The following COL12A1 variants were observed in gnomAD, a reference collection of about 807,000 sequenced individuals.
COL12A1 encodes the protein collagen type XII alpha 1 chain.
Under a neutral mutation model 349.7 loss-of-function variants are expected in COL12A1, and 114 were observed. That is an observed-to-expected ratio of 0.33 (90% CI 0.28 to 0.38). The LOEUF (loss-of-function observed/expected upper bound fraction) is 0.38. Among genes scored for constraint, COL12A1 ranks in the 10% least tolerant of loss-of-function variants. The pLI is 1.00. For missense variants in COL12A1, 3,284 were observed against 3,756.9 expected (o/e 0.87, Z 3.29); for synonymous variants, 1,369 against 1,329.0 (o/e 1.03, Z -0.66).
chr6:75,155,112 T>C (rs753233551), intron 16 of COL12A1, among the ~76,000 whole-genome samples: 20 of 152,144 alleles, frequency 1.3e-4, no homozygotes, highest in Non-Finnish European at 2.8e-4. Flanking sequence ...GAATGTAGGG[T>C]GCTGTTCAAA....
At chr6:75,124,400 CT>C in intron 40 of COL12A1, 29 bp from the exon 41 acceptor site, 1 of 1,514,356 alleles carries the variant, frequency 6.6e-7, no homozygotes, top group Non-Finnish European at 9.0e-7. Flanking sequence ...AAGAGATTTA[CT>C]TTGTAAATTG....
chr6:75,111,256 T>A (rs896453552), intron 51 of COL12A1, among the ~76,000 whole-genome samples: 26 of 151,364 alleles, frequency 1.7e-4, no homozygotes, highest in African/African-American at 6.3e-4. Flanking sequence ...ATTATTAAAA[T>A]AAAAAACAAA....
intron 44 of COL12A1, 41 bp downstream of exon 44, chr6:75,121,261 A>G: frequency 6.7e-7 from 1 of 1,487,910 alleles, no homozygotes. Context: ...AGGAAAGGCA[A>G]GACATCACAA....
At position 75,090,296 on chromosome 6, in the gene COL12A1, G is replaced by T; in HGVS notation, c.8755C>A (p.Gln2919Lys). The T allele has an allele frequency of 6.2e-7, 1 of 1,601,484 alleles. No individual in the cohort carries two copies. The highest frequency in any genetic ancestry group is 1.1e-5 in the South Asian group (1 of 90,510). ...RQVCEQLISG[Q>K]MNRFNQMLNQ... ...AGCATCTGATTGAATCTGTTCATCT[G>T]ACCTACAAGCAGAAATAAGGCTTGT... Residue 2919 changes from glutamine to lysine, a missense_variant and splice_region_variant, in exon 63 of 66, where the codon CAG becomes AAG. By Grantham distance (53) the Gln-to-Lys change is moderately conservative. Transcript: ENST00000322507. This position sits in a 1 kb window ranked among gnomAD's most constrained non-coding sequence, Gnocchi z 4.1.
In COL12A1 at chr6:75,188,395, C is replaced by T; in HGVS notation, c.964G>A (p.Glu322Lys). ...IISQVCSGVDEQLGELVSGEE... is the reference protein window; with the variant it reads ...IISQVCSGVDKQLGELVSGEE... The stretch of plus-strand genomic sequence containing the variant: ...CCACTAACCAATTCACCAAGTTGTT[C>T]ATCAACACCTGAGCACACCTGGGAG... The change falls in exon 8 of 66, where the codon GAA becomes AAA. Residue 322 changes from glutamate to lysine, a missense_variant. Transcript: ENST00000322507. 6.2e-7 allele frequency: 1 copy of T among 1,613,280 alleles called. No homozygotes were observed. The highest frequency in any genetic ancestry group is 8.5e-7 in the Non-Finnish European group (1 of 1,179,582).
Position 75,152,111 on chromosome 6 carries a change from G to A in COL12A1, c.3835+20C>T. On this transcript the variant is annotated intron_variant, in intron 19 of 65. Coordinates refer to ENST00000322507, the MANE Select transcript of COL12A1 (RefSeq NM_004370.6). The stretch of plus-strand genomic sequence containing the variant: ...AACCAGAAGCATGAGCTGAAAGACT[G>A]TCAGACAGTCCTTACTCACCTGTGA... 1 of 1,613,788 alleles carries A rather than the reference G, an allele frequency of 6.2e-7. No individual in the cohort carries two copies. Among genetic ancestry groups the A allele is most frequent in the South Asian group, 1.1e-5 (1 of 91,070 alleles).
chr6:75,177,645 T>C lies in COL12A1; in HGVS notation c.2437+18A>G, dbSNP rs369377480. 12 of 1,614,136 alleles carry C rather than the reference T, an allele frequency of 7.4e-6. No individual in the cohort carries two copies. The East Asian group carries it at 1.8e-4, about 24-fold the overall frequency. On this transcript the variant is annotated intron_variant, in intron 12 of 65. Coordinates refer to ENST00000322507, the MANE Select transcript of COL12A1 (RefSeq NM_004370.6). ...TAAGAGTTTGGTTGTCACCATATGA[T>C]AAGCATATTTCCTCTACCTTCTTCA...
At chr6:75,145,956 T>C (rs574951105) in intron 24 of COL12A1, 146 bp downstream of exon 24, 1 of 848,442 alleles carries the variant, frequency 1.2e-6, no homozygotes, top group Admixed American at 3.4e-5. Flanking sequence ...TTCTACAATG[T>C]GTTGCAGACC....
intron 13 of COL12A1, among the ~76,000 whole-genome samples, chr6:75,172,432 G>A (rs1768684682): frequency 6.6e-6 from 1 of 152,136 alleles, no homozygotes; most frequent in Middle Eastern, 3.4e-3. Context: ...ACAACCAGAA[G>A]AAAAACTATT....
At position 75,130,203 on chromosome 6, in the gene COL12A1, A is replaced by C; in HGVS notation, c.6098T>G (p.Val2033Gly). 6.2e-7 allele frequency: 1 copy of C among 1,613,914 alleles called. No individual in the cohort carries two copies. The highest frequency in any genetic ancestry group is 8.5e-7 in the Non-Finnish European group (1 of 1,179,950). The change falls in exon 37 of 66, where the codon GTC becomes GGC. Residue 2033 changes from valine (V) to glycine (G), a missense_variant. Val to Gly is a moderately radical substitution (Grantham distance 109). Coordinates refer to ENST00000322507, the MANE Select transcript of COL12A1 (RefSeq NM_004370.6). ...LPRSGPRNLR[V>G]FGETTNSLSV... ...GAGGCTATTGGTTGTTTCACCAAAGACTCTCAGGTTCCTTGGTCCACTGCG... is the reference window on the plus strand; with the variant it reads ...GAGGCTATTGGTTGTTTCACCAAAGCCTCTCAGGTTCCTTGGTCCACTGCG...
chr6:75,161,383 A>C (rs1368175553), intron 14 of COL12A1, among the ~76,000 whole-genome samples: 2 of 152,130 alleles, frequency 1.3e-5, no homozygotes, highest in Non-Finnish European at 2.9e-5. Context: ...TTATTGTTGT[A>C]TTGTTATTTC....
intron 55 of COL12A1, 136 bp downstream of exon 55, chr6:75,103,621 A>C (rs546550188): frequency 2.4e-4 from 158 of 645,486 alleles, no homozygotes; most frequent in Non-Finnish European, 2.8e-4. Flanking sequence ...GAGATAAGAC[A>C]GAGGTAATTA....
chr6:75,117,475 T>G lies in COL12A1; in HGVS notation c.7426A>C (p.Ser2476Arg). The change falls in exon 47 of 66, where the codon AGT (serine) becomes CGT (arginine). Residue 2476 changes from serine to arginine, a missense_variant. By Grantham distance (110) the Ser-to-Arg change is moderately radical. Around this residue, in one of 2 missense-constraint regions of COL12A1, gnomAD observed 683 missense variants for 932.1 expected, o/e 0.73. Transcript: ENST00000322507. ...NELANIASKP[S>R]ERHVFIVDDF... is the part of the protein sequence containing the mutation. ...TCCACAATGAACACGTGCCGTTCAC[T>G]TGGTTTGCTGGCAATGTTGGCAAGC... is the stretch of plus-strand genomic sequence containing the variant. 1 of 1,613,734 alleles carries G rather than the reference T, an allele frequency of 6.2e-7. No homozygotes were observed.
intron 63 of COL12A1, among the ~76,000 whole-genome samples, chr6:75,089,559 T>C (rs1216684327): frequency 6.6e-6 from 1 of 152,212 alleles, no homozygotes; most frequent in African/African-American, 2.4e-5. Flanking sequence ...TATAGAAATA[T>C]GTAGGTTTTC....
intron 57 of COL12A1, 114 bp from the exon 58 acceptor site, chr6:75,101,767 G>T: frequency 8.2e-7 from 1 of 1,223,292 alleles, no homozygotes; most frequent in East Asian, 2.4e-5. Flanking sequence ...AATAGAAACA[G>T]GAGAACAGAG....
At chr6:75,105,356 C>T (rs530814606) in intron 53 of COL12A1, 64 bp from the exon 54 acceptor site, 112 of 1,128,654 alleles carry the variant, frequency 9.9e-5, no homozygotes, top group Non-Finnish European at 1.1e-5. Context: ...CCCATCCCCA[C>T]CCCCACTTAC....
At chr6:75,138,361 G>T in intron 29 of COL12A1, 21 bp from the exon 30 acceptor site, 6 of 1,610,064 alleles carry the variant, frequency 3.7e-6, no homozygotes, top group Non-Finnish European at 5.1e-6. Context: ...ACAGAATTTG[G>T]GAACACATTA....
intron 60 of COL12A1, 97 bp downstream of exon 60, chr6:75,095,011 C>T: frequency 2.7e-6 from 3 of 1,108,322 alleles, no homozygotes; most frequent in East Asian, 2.5e-5. Flanking sequence ...AAACACATTA[C>T]AGCAGAGATA....
At chr6:75,103,924 G>T in intron 54 of COL12A1, 114 bp from the exon 55 acceptor site, 1 of 658,272 alleles carries the variant, frequency 1.5e-6, no homozygotes, top group South Asian at 2.6e-5. Flanking sequence ...TTCTACAGCT[G>T]CTTGCAAAAT....
Sources: allele counts gnomAD v4.1 joint callset (sites outside exome capture counted in the v4.1 genomes callset), GRCh38; gene constraint gnomAD v4.1.1; regional missense constraint gnomAD v4.1.1; non-coding constraint Gnocchi (gnomAD v3.1); transcripts MANE v1.5; gene names NCBI Gene and HGNC (gene_info 2026-07-23, HGNC 2026-07-21).